The following SGCZ variants were observed in gnomAD, a reference collection of about 807,000 sequenced individuals.
The protein encoded by SGCZ is sarcoglycan zeta.
In SGCZ, 40 loss-of-function variants were observed where a neutral mutation model predicts 41.3. The observed-to-expected ratio is 0.97, with a 90% CI of 0.75 to 1.26. The LOEUF (loss-of-function observed/expected upper bound fraction) is 1.26, where lower values mean the gene tolerates loss of function less well. Ranked by LOEUF, SGCZ falls within the 50% of genes most tolerant of loss-of-function variation. The pLI is 0.00. For synonymous variants in SGCZ, 206 were observed against 137.5 expected (o/e 1.50, Z -3.49); for missense variants, 552 against 369.8 (o/e 1.49, Z -4.04).
intron 2 of SGCZ, among the ~76,000 whole-genome samples, chr8:14,427,519 C>T (rs888454014): frequency 6.6e-6 from 1 of 152,066 alleles, no homozygotes; most frequent in African/African-American, 2.4e-5. Flanking sequence ...CGTTGCGTTT[C>T]CATGAGGAAA....
At chr8:14,995,564 A>G (rs925910509) in intron 1 of SGCZ, among the ~76,000 whole-genome samples, 1 of 152,194 alleles carries the variant, frequency 6.6e-6, no homozygotes, top group Non-Finnish European at 1.5e-5. Flanking sequence ...GGTTCATCCA[A>G]ATGGGAAACT....
intron 4 of SGCZ, among the ~76,000 whole-genome samples, chr8:14,211,924 G>C (rs558586347): frequency 2.0e-5 from 3 of 152,244 alleles, no homozygotes; most frequent in Admixed American, 2.0e-4. Flanking sequence ...CACCCAATGA[G>C]CCACAGCTGT....
At chr8:14,115,555 C>G (rs148569975) in intron 5 of SGCZ, among the ~76,000 whole-genome samples, 24 of 152,072 alleles carry the variant, frequency 1.6e-4, no homozygotes, top group Non-Finnish European at 2.2e-4. Context: ...CGTACTTAAT[C>G]CAGCAGTATA....
chr8:14,216,284 G>A (rs1040314278), intron 4 of SGCZ, among the ~76,000 whole-genome samples: 4 of 152,042 alleles, frequency 2.6e-5, no homozygotes, highest in Non-Finnish European at 5.9e-5. Context: ...CTGGACTTCC[G>A]AGAAGTTTTG....
intron 1 of SGCZ, among the ~76,000 whole-genome samples, chr8:14,689,435 A>C (rs1268780153): frequency 6.6e-6 from 1 of 152,190 alleles, no homozygotes; most frequent in Non-Finnish European, 1.5e-5. Context: ...GGACTGTGAG[A>C]GATTATTTAC....
chr8:14,304,313 G>T (rs1204989648), intron 3 of SGCZ, among the ~76,000 whole-genome samples: 2 of 151,956 alleles, frequency 1.3e-5, no homozygotes, highest in Admixed American at 6.6e-5. Context: ...AATTAAAAAG[G>T]CCAGGTGTGG....
chr8:14,253,663 G>A (rs1799364230), intron 3 of SGCZ, among the ~76,000 whole-genome samples: 1 of 151,956 alleles, frequency 6.6e-6, no homozygotes, highest in Non-Finnish European at 1.5e-5. Context: ...CAGACTCTGT[G>A]TTCTGAAATA....
chr8:14,637,809 A>T (rs1012808255), intron 1 of SGCZ, among the ~76,000 whole-genome samples: 1 of 151,786 alleles, frequency 6.6e-6, no homozygotes, highest in Non-Finnish European at 1.5e-5. Context: ...TTGGTGGAAC[A>T]ATTTATGTTT....
intron 1 of SGCZ, among the ~76,000 whole-genome samples, chr8:14,906,854 A>G (rs1403041213): frequency 6.6e-6 from 1 of 152,206 alleles, no homozygotes; most frequent in Admixed American, 6.5e-5. Context: ...TCTAAGGAGT[A>G]TATATCACAG....
intron 1 of SGCZ, among the ~76,000 whole-genome samples, chr8:15,059,568 T>C (rs1397458879): frequency 6.6e-6 from 1 of 152,234 alleles, no homozygotes; most frequent in East Asian, 1.9e-4. Context: ...TATTGCAAAG[T>C]TATAAGAATG....
At chr8:15,189,409 A>G (rs1800456585) in intron 1 of SGCZ, among the ~76,000 whole-genome samples, 1 of 152,136 alleles carries the variant, frequency 6.6e-6, no homozygotes, top group African/African-American at 2.4e-5. Context: ...CCAAATGGTC[A>G]TTTTCACTTT....
intron 1 of SGCZ, among the ~76,000 whole-genome samples, chr8:14,987,310 G>A (rs568492098): frequency 1.3e-5 from 2 of 152,000 alleles, no homozygotes; most frequent in African/African-American, 2.4e-5. Context: ...TTATCCAGGA[G>A]AGGAAATATT....
chr8:15,037,865 T>C (rs763193689), intron 1 of SGCZ, among the ~76,000 whole-genome samples: 22 of 151,830 alleles, frequency 1.4e-4, no homozygotes, highest in Non-Finnish European at 2.6e-4. Flanking sequence ...AAGAAAACAA[T>C]CCCATTTATA....
At chr8:14,498,978 G>A (rs13259825) in intron 2 of SGCZ, among the ~76,000 whole-genome samples, 32,783 of 151,322 alleles carry the variant, frequency 0.22, 3,559 homozygotes, top group South Asian at 0.25. Flanking sequence ...GTCCAGTTAT[G>A]CTAGAAAATA....
chr8:14,188,824 G>GTTTTTTTTTTTTTT (rs145555540), intron 4 of SGCZ, among the ~76,000 whole-genome samples: 18 of 62,382 alleles, frequency 2.9e-4, no homozygotes, highest in African/African-American at 8.5e-4. Context: ...TTGTTTCTTT[G>GTTTTTTTTTTTTTT]TTTTTTTTTG....
chr8:15,086,721 C>G (rs1805962509), intron 1 of SGCZ, among the ~76,000 whole-genome samples: 3 of 152,086 alleles, frequency 2.0e-5, no homozygotes, highest in African/African-American at 7.2e-5. Flanking sequence ...TTACTTATTT[C>G]TCAACTGCTT....
rs572259838 is a variant in SGCZ, at chr8:14,553,389, G to A, written c.234+1343C>T. The stretch of plus-strand genomic sequence containing the variant: ...CATGCCTTGATCCCTGACCTGGGAC[G>A]CATATCCATGTCTAGGCAACAGTTA... On this transcript the variant is annotated intron_variant, in intron 2 of 7. Transcript: ENST00000382080. Among the ~76,000 whole-genome samples the A allele has an allele frequency of 3.9e-5, 6 of 152,144 alleles. No homozygotes were observed. The East Asian group carries it at 5.8e-4, about 15-fold the overall frequency.
At chr8:14,160,806 G>C (rs1371336932) in intron 5 of SGCZ, among the ~76,000 whole-genome samples, 3 of 152,092 alleles carry the variant, frequency 2.0e-5, no homozygotes, top group African/African-American at 2.4e-5. Flanking sequence ...TAAATATCAT[G>C]AGCTACGCTA....
chr8:14,150,058 G>T (rs1399870410), intron 5 of SGCZ, among the ~76,000 whole-genome samples: 1 of 152,088 alleles, frequency 6.6e-6, no homozygotes, highest in East Asian at 1.9e-4. Context: ...CTAAGACATA[G>T]ATCTATGAAA....
Sources: allele counts gnomAD v4.1 joint callset (sites outside exome capture counted in the v4.1 genomes callset), GRCh38; gene constraint gnomAD v4.1.1; transcripts MANE v1.5; gene names NCBI Gene and HGNC (gene_info 2026-07-23, HGNC 2026-07-21).